TMPRSS11A: variants seen among roughly 807,000 people sequenced by gnomAD.
TMPRSS11A encodes transmembrane protease serine 11A.
A neutral mutation model predicts 58.9 loss-of-function variants in TMPRSS11A; 53 were observed. The ratio of observed to expected loss-of-function variants is 0.90; its 90% confidence interval spans 0.72 to 1.13. TMPRSS11A has a LOEUF of 1.13. Ranked by LOEUF, TMPRSS11A falls within the 50% of genes most tolerant of loss-of-function variation. The pLI is 0.00. For synonymous variants in TMPRSS11A, 167 were observed against 169.8 expected, an observed-to-expected ratio of 0.98 and a Z score of 0.13; for missense variants, 493 against 499.3, an observed-to-expected ratio of 0.99 and a Z score of 0.12.
At chr4:67,937,857 G>T (rs1343915376) in intron 3 of TMPRSS11A, among the ~76,000 whole-genome samples, 2 of 152,038 alleles carry the variant, frequency 1.3e-5, no homozygotes, top group African/African-American at 4.8e-5. Context: ...GAATACTGTG[G>T]TAATTAATGT....
chr4:67,943,769 G>A (rs1327704485), intron 3 of TMPRSS11A, among the ~76,000 whole-genome samples: 4 of 152,080 alleles, frequency 2.6e-5, no homozygotes, highest in African/African-American at 9.7e-5. Flanking sequence ...AAGAGCAAAT[G>A]ATGACAGGAA....
At position 67,922,919 on chromosome 4, in the gene TMPRSS11A, A is replaced by C; in HGVS notation, c.528T>G (p.Gly176=). 6.2e-7 allele frequency: 1 copy of C among 1,613,984 alleles called. No individual in the cohort carries two copies. Among genetic ancestry groups the C allele is most frequent in the South Asian group, 1.1e-5 (1 of 91,056 alleles). ...TGELTVQASC[G]KRVVPLNVNR... ...TGACGTTTAATGGAACAACTCGTTT[A>C]CCACAACCTGAAAAAAGATGAGATC... The change falls in exon 7 of 10, where the codon GGT becomes GGG. Residue 176 remains glycine, a synonymous_variant. Coordinates refer to ENST00000508048, the MANE Select transcript of TMPRSS11A (RefSeq NM_001114387.2).
intron 9 of TMPRSS11A, 102 bp downstream of exon 9, chr4:67,914,486 A>G: frequency 2.8e-6 from 3 of 1,083,030 alleles, no homozygotes; most frequent in East Asian, 5.2e-5. Context: ...TTTTGAGCTG[A>G]CATGATATCT....
chr4:67,944,545 CCTTAAGTT>C lies in TMPRSS11A; in HGVS notation c.218_225del (p.Gln73ArgfsTer12). 1.9e-6 allele frequency: 3 copies of C among 1,612,606 alleles called. No homozygotes were observed. The highest frequency in any genetic ancestry group is 2.5e-6 in the Non-Finnish European group (3 of 1,179,136). ...AAATTTTCGGTCGTCTCTCGTAAGTCCTTAAGTTGATATGTGTTGCTTTGTCCGAAATT... is the reference window on the plus strand; with the variant it reads ...AAATTTTCGGTCGTCTCTCGTAAGTCGATATGTGTTGCTTTGTCCGAAATT... On this transcript the variant is annotated frameshift_variant, in exon 3 of 10. Transcript: ENST00000508048. LOFTEE classifies it high-confidence loss of function.
rs1355689227 is a variant in TMPRSS11A at position 67,947,774 on chromosome 4, T to A, written c.12-1203A>T. On this transcript the variant is annotated intron_variant, in intron 1 of 9. Transcript: ENST00000508048. ...GTTTGCATGTATGTTCACTTACAGA[T>A]AGCTTCTCAATGGGCTGCATTAGCC... Among the ~76,000 whole-genome samples, 3 of 152,236 alleles carry A rather than the reference T, an allele frequency of 2.0e-5. No individual in the cohort carries two copies. In the East Asian group the frequency reaches 5.8e-4, roughly 29 times the overall value.
At chr4:67,914,201 T>C (rs1034630075) in intron 9 of TMPRSS11A, among the ~76,000 whole-genome samples, 11 of 152,252 alleles carry the variant, frequency 7.2e-5, no homozygotes, top group Non-Finnish European at 1.2e-4. Context: ...TTACGTCTCA[T>C]CTCTCTGATA....
chr4:67,930,829 T>TTTTTC (rs1265700805), intron 4 of TMPRSS11A, among the ~76,000 whole-genome samples: 10 of 90,128 alleles, frequency 1.1e-4, no homozygotes, highest in Non-Finnish European at 1.5e-4. Flanking sequence ...TTTTTTTTTT[T>TTTTTC]ACAAAAAAAA....
intron 1 of TMPRSS11A, among the ~76,000 whole-genome samples, chr4:67,957,452 G>T (rs1721314698): frequency 6.6e-6 from 1 of 152,166 alleles, no homozygotes; most frequent in African/African-American, 2.4e-5. Flanking sequence ...AGTGACGCTT[G>T]TTATGTTTTA....
intron 3 of TMPRSS11A, among the ~76,000 whole-genome samples, chr4:67,935,403 G>C (rs1044411684): frequency 6.6e-6 from 1 of 152,120 alleles, no homozygotes; most frequent in African/African-American, 2.4e-5. Flanking sequence ...GCCAATCTCA[G>C]ATAATACCTT....
intron 9 of TMPRSS11A, 74 bp from the exon 10 acceptor site, chr4:67,911,577 G>T: frequency 1.6e-6 from 2 of 1,267,126 alleles, no homozygotes; most frequent in Non-Finnish European, 2.2e-6. Flanking sequence ...ATATTTTGAT[G>T]AATCACATAT....
intron 1 of TMPRSS11A, among the ~76,000 whole-genome samples, chr4:67,961,518 T>TGAGACAGAG (rs1721428071): frequency 2.9e-5 from 2 of 69,362 alleles, no homozygotes; most frequent in Non-Finnish European, 5.1e-5. Flanking sequence ...TTTTTTTTTT[T>TGAGACAGAG]TTTTTTTTTT....
chr4:67,940,793 A>G (rs1039136998), intron 3 of TMPRSS11A, among the ~76,000 whole-genome samples: 11 of 152,186 alleles, frequency 7.2e-5, no homozygotes, highest in African/African-American at 2.2e-4. Flanking sequence ...TGAACATGCA[A>G]CACATGAAGA....
intron 1 of TMPRSS11A, among the ~76,000 whole-genome samples, chr4:67,957,329 C>T (rs1316206085): frequency 6.6e-6 from 1 of 152,056 alleles, no homozygotes; most frequent in Non-Finnish European, 1.5e-5. Context: ...TTTGGAACTC[C>T]CTAGAGACTT....
chr4:67,958,260 C>T lies in TMPRSS11A; in HGVS notation c.11+5123G>A, dbSNP rs191353818. On this transcript the variant is annotated intron_variant, in intron 1 of 9. Transcript: ENST00000508048. The stretch of plus-strand genomic sequence containing the variant: ...CCAGACCCCAGAATGGTAGATTCAC[C>T]GACAGCTTTCACCATGCACCTGGAA... 2.2e-3 allele frequency among the ~76,000 whole-genome samples: 328 copies of T among 152,240 alleles called. 2 individuals carry two copies. Among genetic ancestry groups the T allele is most frequent in the African/African-American group, 7.5e-3 (312 of 41,562 alleles).
intron 9 of TMPRSS11A, among the ~76,000 whole-genome samples, chr4:67,913,880 G>A (rs1720072273): frequency 6.6e-6 from 1 of 152,150 alleles, no homozygotes; most frequent in Non-Finnish European, 1.5e-5. Context: ...GAGTTCTAAA[G>A]TATCTCATGT....
rs1455620933 is a variant in TMPRSS11A at position 67,922,764 on chromosome 4, C to T, written c.683G>A (p.Cys228Tyr). Reference protein sequence around the residue: ...SNTWLVTAAHCFQKYKNPHQW... With the variant: ...SNTWLVTAAHYFQKYKNPHQW... ...AAGGTCAATAACTTACTTCTGGAAG[C>T]AGTGTGCTGCAGTGACAAGCCATGT... The change falls in exon 7 of 10, where the codon TGC (cysteine) becomes TAC (tyrosine). Residue 228 changes from cysteine to tyrosine, a missense_variant. Coordinates refer to ENST00000508048, the MANE Select transcript of TMPRSS11A (RefSeq NM_001114387.2). The T allele has an allele frequency of 6.2e-7, 1 of 1,613,444 alleles. No homozygotes were observed. The highest frequency in any genetic ancestry group is 8.5e-7 in the Non-Finnish European group (1 of 1,179,578).
At chr4:67,952,768 G>A (rs1003422659) in intron 1 of TMPRSS11A, among the ~76,000 whole-genome samples, 3 of 152,096 alleles carry the variant, frequency 2.0e-5, no homozygotes, top group African/African-American at 7.2e-5. Context: ...TATGTTATGT[G>A]TACACATATC....
intron 8 of TMPRSS11A, among the ~76,000 whole-genome samples, chr4:67,917,177 T>C (rs1720181271): frequency 6.6e-6 from 1 of 152,070 alleles, no homozygotes; most frequent in Admixed American, 6.5e-5. Flanking sequence ...TTTAGGTTTA[T>C]TTTTTATTTT....
chr4:67,914,214 T>C (rs892398397), intron 9 of TMPRSS11A, among the ~76,000 whole-genome samples: 5 of 152,362 alleles, frequency 3.3e-5, no homozygotes, highest in Admixed American at 3.3e-4. Flanking sequence ...CTCTGATACT[T>C]GTTCCAAAAA....
Sources: gnomAD v4.1 joint callset for allele counts (sites outside exome capture counted in the v4.1 genomes callset) on GRCh38, gnomAD v4.1.1 for gene constraint, MANE v1.5 for transcripts, NCBI Gene and HGNC (gene_info 2026-07-23, HGNC 2026-07-21) for gene names.